XIAP: variants seen among roughly 807,000 people sequenced by gnomAD.
XIAP encodes E3 ubiquitin-protein ligase XIAP.
A neutral mutation model predicts 33.1 loss-of-function variants in XIAP; 3 were observed. The observed-to-expected ratio is 0.09, with a 90% CI of 0.04 to 0.23. The LOEUF (loss-of-function observed/expected upper bound fraction) is 0.23. XIAP is among the 10% of genes least tolerant of loss of function. The probability of loss-of-function intolerance (pLI) is 1.00; values close to 1 mark genes in which losing one functional copy is unlikely to be tolerated. For missense variants in XIAP, 264 were observed against 363.0 expected, an observed-to-expected ratio of 0.73 and a Z score of 2.22; for synonymous variants, 98 against 121.3, an observed-to-expected ratio of 0.81 and a Z score of 1.26.
intron 6 of XIAP, among the ~76,000 whole-genome samples, chrX:123,901,669 G>A (rs2053515255): frequency 8.9e-6 from 1 of 111,743 alleles, no homozygotes; most frequent in African/African-American, 3.2e-5. Context: ...TTATGAAACA[G>A]TATGAACATT....
In XIAP at chrX:123,887,706, G is replaced by A. The variant is rs1473626578; in HGVS notation, c.878-913G>A. Among the ~76,000 whole-genome samples the A allele has an allele frequency of 4.5e-5, 5 of 111,390 alleles. No individual in the cohort carries two copies. The South Asian group carries it at 1.5e-3, about 33-fold the overall frequency. ...AACATACTAAAAAGAAAGTATGGCC[G>A]GGCGCGGTGGCTCCCGCCTATAATC... On this transcript the variant is annotated intron_variant, in intron 2 of 6. Transcript: ENST00000371199.
At position 123,861,272 on chromosome X, in the gene XIAP, A is replaced by G. The variant is rs545503439; in HGVS notation, c.-33+979A>G. 7.5e-4 allele frequency among the ~76,000 whole-genome samples: 84 copies of G among 111,696 alleles called. 2 individuals carry two copies. In the Middle Eastern group the frequency reaches 0.028, roughly 37 times the overall value. ...ATCTGGCTTCTTGCCCACCACTCTT[A>G]CTGCGCAATTGCTCCATATCGCCTC... On this transcript the variant is annotated intron_variant, in intron 1 of 6. Coordinates refer to ENST00000371199, the MANE Select transcript of XIAP (RefSeq NM_001167.4).
chrX:123,877,799 C>A (rs1356598639), intron 1 of XIAP, among the ~76,000 whole-genome samples: 1 of 110,044 alleles, frequency 9.1e-6, no homozygotes, highest in Non-Finnish European at 1.9e-5. Context: ...CGGTGAAACC[C>A]CGTCTCTACT....
At position 123,908,837 on chromosome X, in the gene XIAP, C is replaced by T; in HGVS notation, c.*1656C>T. ...CATAGAACGTCCAGGGTTTACATTA[C>T]AAGATTCTCACAACAAACCTATTGT... On this transcript the variant is annotated 3_prime_UTR_variant, in exon 7 of 7. Transcript: ENST00000371199. 1 of 348,954 alleles carries T rather than the reference C, an allele frequency of 2.9e-6. No homozygotes were observed. Among genetic ancestry groups the T allele is most frequent in the Non-Finnish European group, 5.5e-6 (1 of 181,613 alleles). The allele number at this position is 348,954 out of a possible 1,213,427, so 28.8% of individuals were successfully genotyped here. A position where few individuals can be genotyped will look rare whatever the true frequency, so the allele number is the denominator to read the frequency against.
chrX:123,890,856 G>A (rs2053401307), intron 3 of XIAP, among the ~76,000 whole-genome samples: 1 of 107,190 alleles, frequency 9.3e-6, no homozygotes, highest in Non-Finnish European at 1.9e-5. Context: ...CAGGAGAATC[G>A]CTTGAACCCG....
intron 1 of XIAP, among the ~76,000 whole-genome samples, chrX:123,866,099 A>C (rs1217273725): frequency 3.8e-4 from 42 of 109,916 alleles, no homozygotes; most frequent in Non-Finnish European, 6.6e-4. Flanking sequence ...CGCCACCACA[A>C]CTGGCTAATT....
chrX:123,895,708 T>C (rs1339775553), intron 5 of XIAP, among the ~76,000 whole-genome samples: 6 of 97,890 alleles, frequency 6.1e-5, no homozygotes, highest in African/African-American at 2.3e-4. Flanking sequence ...CATCTTTTCA[T>C]GTGCCTATTG....
upstream of XIAP, chrX:123,859,856 CGGCGCCCGGAGCCGGCGT>C (rs1395174112): frequency 4.4e-5 from 11 of 249,111 alleles, no homozygotes; most frequent in Non-Finnish European, 7.6e-5. Flanking sequence ...GGGACCTTGG[CGGCGCCCGGAGCCGGCGT>C]GGCGCTCATC....
chrX:123,886,497 G>C lies in XIAP; in HGVS notation c.835G>C (p.Val279Leu). The C allele has an allele frequency of 8.3e-7, 1 of 1,206,027 alleles. No individual in the cohort carries two copies. The highest frequency in any genetic ancestry group is 1.1e-6 in the Non-Finnish European group (1 of 895,549). Residue 279 changes from valine (V) to leucine (L), a missense_variant, in exon 2 of 7, where the codon GTT (valine) becomes CTT (leucine). Physicochemically the swap from Val to Leu is conservative, Grantham distance 32. Transcript: ENST00000371199. Reference sequence around the variant, plus strand: ...TACTTTTGGGACATGGATATACTCAGTTAACAAGGAGCAGCTTGCAAGAGC... The same window carrying C: ...TACTTTTGGGACATGGATATACTCACTTAACAAGGAGCAGCTTGCAAGAGC... ...IFTFGTWIYS[V>L]NKEQLARAGF...
chrX:123,889,550 T>G (rs918027454), intron 3 of XIAP, among the ~76,000 whole-genome samples: 14 of 107,069 alleles, frequency 1.3e-4, no homozygotes, highest in Non-Finnish European at 2.7e-4. Flanking sequence ...AGAGTTTTGC[T>G]CTTGTCGCCC....
In XIAP at chrX:123,907,594, T is replaced by G. The variant is rs766707499; in HGVS notation, c.*413T>G. On this transcript the variant is annotated 3_prime_UTR_variant, in exon 7 of 7. Coordinates refer to ENST00000371199, the MANE Select transcript of XIAP (RefSeq NM_001167.4). ...GAGTTAATCTCCCCAATCACATAATTTGTTTTGTGTGAAAAAGGAATAAAT... is the reference window on the plus strand; with the variant it reads ...GAGTTAATCTCCCCAATCACATAATGTGTTTTGTGTGAAAAAGGAATAAAT... The G allele has an allele frequency of 2.4e-5, 9 of 378,781 alleles. No individual in the cohort carries two copies. The Middle Eastern group carries it at 6.2e-3, about 262-fold the overall frequency. 31.2% of individuals were successfully genotyped at this position (378,781 alleles called of 1,213,427 possible). A position where few individuals can be genotyped will look rare whatever the true frequency, so the allele number is the denominator to read the frequency against.
rs774753402 is a variant in XIAP, at chrX:123,879,853, G to A, written c.-32-5778G>A. 2.7e-5 allele frequency among the ~76,000 whole-genome samples: 3 copies of A among 111,008 alleles called. No homozygotes were observed. In the South Asian group the frequency reaches 1.2e-3, roughly 43 times the overall value. ...ACCTTGGCTGGGCTCAGTGGCTCAC[G>A]CCTGTAATCCCAGCACTTTGGGAGG... On this transcript the variant is annotated intron_variant, in intron 1 of 6. Transcript: ENST00000371199.
chrX:123,887,924 C>T (rs1306178156), intron 2 of XIAP, among the ~76,000 whole-genome samples: 1 of 109,172 alleles, frequency 9.2e-6, no homozygotes, highest in East Asian at 2.8e-4. Flanking sequence ...GCAGAGGTTG[C>T]AGTGAGCCGT....
At position 123,878,807 on chromosome X, in the gene XIAP, A is replaced by G. The variant is rs28382714; in HGVS notation, c.-32-6824A>G. ...CTTCTGTGGCACACCATTATCTTAA[A>G]TAATATTGTCACCTTCCCCACTGTC... On this transcript the variant is annotated intron_variant, in intron 1 of 6. Transcript: ENST00000371199. 263 of 112,381 alleles carry G rather than the reference A, an allele frequency of 2.3e-3. 1 individual carries two copies. The highest frequency in any genetic ancestry group is 0.012 in the Middle Eastern group (6 of 513). The allele number at this position is 112,381 out of a possible 1,213,427, so 9.3% of individuals were successfully genotyped here. A position where few individuals can be genotyped will look rare whatever the true frequency, so the allele number is the denominator to read the frequency against.
chrX:123,864,881 A>T (rs2053119662), intron 1 of XIAP, among the ~76,000 whole-genome samples: 1 of 103,354 alleles, frequency 9.7e-6, no homozygotes, highest in Non-Finnish European at 2.0e-5. Context: ...ACAGGGTTTC[A>T]CCATGTTAGC....
Position 123,907,413 on chromosome X carries a change from CTAAGAA to C in XIAP, c.*239_*244del, listed in dbSNP as rs1172501766. 14 of 467,279 alleles carry C rather than the reference CTAAGAA, an allele frequency of 3.0e-5. No individual in the cohort carries two copies. The highest frequency in any genetic ancestry group is 9.5e-5 in the African/African-American group (4 of 41,960). 38.5% of individuals were successfully genotyped at this position (467,279 alleles called of 1,213,427 possible). On this transcript the variant is annotated 3_prime_UTR_variant, in exon 7 of 7. Transcript: ENST00000371199. ...ACTGTTATTTAATTGAAACCATAGA[CTAAGAA>C]TAAGAAGCATCATACTATAACTGAA...
In XIAP at chrX:123,909,334, A is replaced by G. The variant is rs1419811672; in HGVS notation, c.*2153A>G. 1 of 329,202 alleles carries G rather than the reference A, an allele frequency of 3.0e-6. No individual in the cohort carries two copies. Among genetic ancestry groups the G allele is most frequent in the Non-Finnish European group, 5.9e-6 (1 of 169,922 alleles). The allele number at this position is 329,202 out of a possible 1,213,427, so 27.1% of individuals were successfully genotyped here. On this transcript the variant is annotated 3_prime_UTR_variant, in exon 7 of 7. Transcript: ENST00000371199. ...GCTTGAGCCACCACGCCCGGCTAAA[A>G]CATTGCAAATTTAAATGAGAGTTTT... is the stretch of plus-strand genomic sequence containing the variant.
At position 123,910,816 on chromosome X, in the gene XIAP, C is replaced by T. The variant is rs765314803; in HGVS notation, c.*3635C>T. On this transcript the variant is annotated 3_prime_UTR_variant, in exon 7 of 7. Transcript: ENST00000371199. ...CCGGGAGGCAGAGCTTGCAGTGAGC[C>T]GAGATCTCGCCACTGCACTCCAGCC... 8.4e-5 allele frequency: 24 copies of T among 286,821 alleles called. No individual in the cohort carries two copies. Among genetic ancestry groups the T allele is most frequent in the Admixed American group, 6.6e-4 (16 of 24,267 alleles). 23.6% of individuals were successfully genotyped at this position (286,821 alleles called of 1,213,427 possible).
intron 1 of XIAP, among the ~76,000 whole-genome samples, chrX:123,870,670 T>C (rs2053185627): frequency 1.8e-5 from 2 of 110,647 alleles, no homozygotes; most frequent in African/African-American, 6.6e-5. Context: ...CTGCCTGGAG[T>C]CCAGCTCCTC....
Sources: allele counts gnomAD v4.1 joint callset (sites outside exome capture counted in the v4.1 genomes callset), GRCh38; gene constraint gnomAD v4.1.1; transcripts MANE v1.5; gene names NCBI Gene and HGNC (gene_info 2026-07-23, HGNC 2026-07-21).